The following RAD50 variants were observed in gnomAD, a reference collection of about 807,000 sequenced individuals.
RAD50 encodes DNA repair protein RAD50.
Under a neutral mutation model 168.8 loss-of-function variants are expected in RAD50, and 132 were observed. The observed-to-expected ratio is 0.78, with a 90% CI of 0.68 to 0.90. RAD50 has a LOEUF of 0.90. RAD50 is among the 40% of genes least tolerant of loss of function. The pLI is 0.00. For missense variants in RAD50, 1,347 were observed against 1,534.4 expected, an observed-to-expected ratio of 0.88 and a Z score of 2.04; for synonymous variants, 525 against 497.4, an observed-to-expected ratio of 1.06 and a Z score of -0.74.
rs1581020162 is a variant in RAD50, at chr5:132,637,112, C to T, written c.3390-3C>T. 6.2e-7 allele frequency: 1 copy of T among 1,603,622 alleles called. No homozygotes were observed. Among genetic ancestry groups the T allele is most frequent in the Non-Finnish European group, 8.5e-7 (1 of 1,174,026 alleles). ...ATGAAGTACCAATGACTTCCTTTTC[C>T]AGAGCAATAATGAAATTTCACAGTA... is the stretch of plus-strand genomic sequence containing the variant. On this transcript the variant is annotated splice_region_variant and splice_polypyrimidine_tract_variant and intron_variant, in intron 21 of 24. Coordinates refer to ENST00000378823, the MANE Select transcript of RAD50 (RefSeq NM_005732.4).
At chr5:132,607,710 A>G (rs1012105930) in intron 16 of RAD50, among the ~76,000 whole-genome samples, 6 of 152,218 alleles carry the variant, frequency 3.9e-5, no homozygotes, top group Admixed American at 2.0e-4. Flanking sequence ...GAGATTTACA[A>G]ATGTCTCATG....
intron 5 of RAD50, among the ~76,000 whole-genome samples, chr5:132,586,436 T>G (rs113090962): frequency 0.02 from 3,056 of 152,292 alleles, 88 homozygotes; most frequent in African/African-American, 0.065. Context: ...ACTGTTGCTC[T>G]TGGTAAAATT....
At chr5:132,610,767 G>A (rs957249681) in intron 19 of RAD50, among the ~76,000 whole-genome samples, 3 of 152,112 alleles carry the variant, frequency 2.0e-5, no homozygotes, top group Non-Finnish European at 2.9e-5. Context: ...TAGCTTTTAT[G>A]TAGTTGCCTA....
chr5:132,580,151 G>A, intron 5 of RAD50, 85 bp downstream of exon 5: 2 of 1,187,070 alleles, frequency 1.7e-6, no homozygotes, highest in Admixed American at 3.8e-5. Context: ...ATACATCGTG[G>A]ACTGGCTAAA....
At chr5:132,593,388 A>G (rs1189128599) in intron 11 of RAD50, 1 of 152,338 alleles carries the variant, frequency 6.6e-6, no homozygotes, top group Non-Finnish European at 1.5e-5. Flanking sequence ...TTTTTTTATA[A>G]TACACATTTT....
intron 16 of RAD50, 150 bp from the exon 17 acceptor site, chr5:132,608,465 T>C (rs1751021819): frequency 3.3e-6 from 2 of 600,426 alleles, no homozygotes; most frequent in South Asian, 5.0e-5. Context: ...AAAATGATGG[T>C]ACTGTCCTCA....
intron 1 of RAD50, among the ~76,000 whole-genome samples, chr5:132,557,990 G>A (rs1266192483): frequency 6.7e-6 from 1 of 149,806 alleles, no homozygotes; most frequent in African/African-American, 2.5e-5. Flanking sequence ...AAAATTTAAC[G>A]TTGGTGCACG....
chr5:132,591,655 A>G (rs987045301), intron 10 of RAD50, among the ~76,000 whole-genome samples: 52 of 152,106 alleles, frequency 3.4e-4, no homozygotes, highest in Admixed American at 3.3e-3. Flanking sequence ...AACATACACA[A>G]ATTTTAAAAT....
chr5:132,558,379 TGTGCCTTA>T (rs1481904921), intron 1 of RAD50, among the ~76,000 whole-genome samples: 2 of 152,202 alleles, frequency 1.3e-5, no homozygotes, highest in African/African-American at 4.8e-5. Flanking sequence ...CTCACTGCTC[TGTGCCTTA>T]GTTTTCTCAT....
At position 132,591,920 on chromosome 5, in the gene RAD50, G is replaced by A. The variant is rs763571038; in HGVS notation, c.1679G>A (p.Ser560Asn). 2 of 1,609,294 alleles carry A rather than the reference G, an allele frequency of 1.2e-6. No homozygotes were observed. The highest frequency in any genetic ancestry group is 3.3e-5 in the Admixed American group (2 of 59,996). The change falls in exon 11 of 25, where the codon AGT becomes AAT. Residue 560 changes from serine to asparagine, a missense_variant. Transcript: ENST00000378823. ...ATCAGAAAAATAAAATCTAGGCACA[G>A]TGATGAATTAACCTCACTGTTGGGA... ...EQIRKIKSRH[S>N]DELTSLLGYF... is the part of the protein sequence containing the mutation.
intron 23 of RAD50, among the ~76,000 whole-genome samples, chr5:132,639,310 G>T (rs2149864441): frequency 7.1e-6 from 1 of 140,492 alleles, no homozygotes; most frequent in Middle Eastern, 4.6e-3. Flanking sequence ...CCGAGATCGT[G>T]CCATTGCACT....
chr5:132,615,543 T>C (rs7709318), intron 19 of RAD50, among the ~76,000 whole-genome samples: 10,814 of 152,224 alleles, frequency 0.071, 1,198 homozygotes, highest in African/African-American at 0.24. Context: ...TGATCTCTTA[T>C]AATCTTTCAG....
chr5:132,629,754 T>G (rs936462783), intron 21 of RAD50, among the ~76,000 whole-genome samples: 8 of 152,184 alleles, frequency 5.3e-5, no homozygotes, highest in African/African-American at 1.4e-4. Flanking sequence ...GCTGTCTATT[T>G]AAGGTAACAC....
At chr5:132,586,458 ATC>A (rs1367878597) in intron 5 of RAD50, among the ~76,000 whole-genome samples, 6 of 152,140 alleles carry the variant, frequency 3.9e-5, no homozygotes, top group African/African-American at 9.7e-5. Flanking sequence ...TTTTTTTCAA[ATC>A]TCTCTTTCGT....
chr5:132,622,844 A>G (rs891001818), intron 21 of RAD50, among the ~76,000 whole-genome samples: 4 of 152,070 alleles, frequency 2.6e-5, no homozygotes, highest in Non-Finnish European at 4.4e-5. Flanking sequence ...GTAGAGGTCC[A>G]TCTACACAGA....
chr5:132,608,636 C>T lies in RAD50; in HGVS notation c.2740C>T (p.Pro914Ser), dbSNP rs1751027307. Residue 914 changes from proline (P) to serine (S), a missense_variant, in exon 17 of 25, where the codon CCT (proline) becomes TCT (serine). Transcript: ENST00000378823. ...EIKDAKEQVS[P>S]LETTLEKFQQ... The stretch of plus-strand genomic sequence containing the variant: ...TTAGGATGCTAAAGAGCAGGTAAGC[C>T]CTTTGGAAACAACATTGGAAAAGTT... 4 of 1,593,520 alleles carry T rather than the reference C, an allele frequency of 2.5e-6. No homozygotes were observed. Among genetic ancestry groups the T allele is most frequent in the Non-Finnish European group, 3.4e-6 (4 of 1,170,276 alleles).
At chr5:132,606,480 G>A (rs1581003108) in intron 16 of RAD50, among the ~76,000 whole-genome samples, 1 of 152,288 alleles carries the variant, frequency 6.6e-6, no homozygotes, top group South Asian at 2.1e-4. Flanking sequence ...GTAATTAATA[G>A]CCTGCCAACC....
intron 2 of RAD50, among the ~76,000 whole-genome samples, chr5:132,563,466 G>A (rs982286452): frequency 1.3e-5 from 2 of 152,208 alleles, no homozygotes; most frequent in African/African-American, 4.8e-5. Context: ...TACTGGTTGA[G>A]AGTGGCAGAA....
chr5:132,573,453 G>A (rs547248806), intron 2 of RAD50, among the ~76,000 whole-genome samples: 1 of 152,170 alleles, frequency 6.6e-6, no homozygotes, highest in African/African-American at 2.4e-5. Flanking sequence ...ACCTGCCCCC[G>A]TGATTCAATT....
Sources: allele counts gnomAD v4.1 joint callset (sites outside exome capture counted in the v4.1 genomes callset), GRCh38; gene constraint gnomAD v4.1.1; transcripts MANE v1.5; gene names NCBI Gene and HGNC (gene_info 2026-07-23, HGNC 2026-07-21).